Variants in ZNF100 observed in about 807,000 individuals in gnomAD.
ZNF100 encodes zinc finger protein 100.
Under a neutral mutation model 15.8 loss-of-function variants are expected in ZNF100, and 12 were observed. The ratio of observed to expected loss-of-function variants is 0.76; its 90% CI spans 0.49 to 1.23. The LOEUF is 1.23. ZNF100 is among the 50% of genes most tolerant of loss of function. The pLI is 0.00. For missense variants in ZNF100, 670 were observed against 635.6 expected (o/e 1.05, Z -0.58); for synonymous variants, 226 against 214.8 (o/e 1.05, Z -0.45).
At chr19:21,739,825 TAAATA>T (rs934668486) in intron 4 of ZNF100, among the ~76,000 whole-genome samples, 8 of 151,848 alleles carry the variant, frequency 5.3e-5, no homozygotes, top group Admixed American at 6.6e-5. Context: ...CTGTCTCTAA[TAAATA>T]AAATAAAATA....
rs1052854047 is a variant in ZNF100, at chr19:21,731,302, C to CTTTTTTTTTTTT, written c.323-3314_323-3313insAAAAAAAAAAAA. On this transcript the variant is annotated intron_variant, in intron 4 of 4. Transcript: ENST00000358296. The stretch of plus-strand genomic sequence containing the variant: ...TGCAAGTTTCTTTCCTTTTTCTTTC[C>CTTTTTTTTTTTT]TTTTTTTTTTATTTTTTATTTTTTG... Among the ~76,000 whole-genome samples the CTTTTTTTTTTTT allele has an allele frequency of 1.1e-4, 16 of 139,664 alleles. 1 individual carries two copies. The highest frequency in any genetic ancestry group is 2.4e-4 in the South Asian group (1 of 4,088). 91.6% of individuals were successfully genotyped at this position (139,664 alleles called of 152,430 possible).
At chr19:21,734,002 A>G (rs1012922338) in intron 4 of ZNF100, among the ~76,000 whole-genome samples, 18 of 152,240 alleles carry the variant, frequency 1.2e-4, no homozygotes, top group Admixed American at 9.8e-4. Context: ...TAAAGGAAAA[A>G]CAGAAAGCAA....
intron 4 of ZNF100, among the ~76,000 whole-genome samples, chr19:21,738,815 G>A (rs780474906): frequency 7.2e-5 from 11 of 152,030 alleles, no homozygotes; most frequent in African/African-American, 1.9e-4. Context: ...GCATGGTGGC[G>A]GGTGCCTATA....
chr19:21,751,259 G>GA, intron 2 of ZNF100: 1 of 1,150,116 alleles, frequency 8.7e-7, no homozygotes, highest in Non-Finnish European at 1.3e-6. Flanking sequence ...CCTAACCTTA[G>GA]AACCACAGTA....
intron 4 of ZNF100, among the ~76,000 whole-genome samples, chr19:21,731,795 A>T (rs148048955): frequency 6.2e-4 from 95 of 152,350 alleles, no homozygotes; most frequent in African/African-American, 2.2e-3. Flanking sequence ...TGAAGCAGTC[A>T]CATTCTTAGA....
At chr19:21,755,704 T>G (rs2036382658) in intron 2 of ZNF100, among the ~76,000 whole-genome samples, 1 of 152,044 alleles carries the variant, frequency 6.6e-6, no homozygotes, top group African/African-American at 2.4e-5. Context: ...AATGACAGAC[T>G]GGATAAAGAA....
intron 2 of ZNF100, chr19:21,751,014 G>C: frequency 7.9e-7 from 1 of 1,261,676 alleles, no homozygotes; most frequent in Non-Finnish European, 1.1e-6. Context: ...ATTTCGCAGC[G>C]GGCGAGGGCC....
intron 2 of ZNF100, chr19:21,751,195 A>T: frequency 7.6e-7 from 1 of 1,310,542 alleles, no homozygotes. Context: ...GCAGCTTACT[A>T]AAAAGTATAG....
chr19:21,747,057 T>C (rs548920866), intron 2 of ZNF100, among the ~76,000 whole-genome samples: 49 of 152,108 alleles, frequency 3.2e-4, no homozygotes, highest in Non-Finnish European at 6.2e-4. Flanking sequence ...GCTCCATGGA[T>C]GTAAAAATGT....
chr19:21,727,920 A>G lies in ZNF100; in HGVS notation c.392T>C (p.Ile131Thr), dbSNP rs1159780426. The change falls in exon 5 of 5, where the codon ATT becomes ACT. Residue 131 changes from isoleucine (I) to threonine (T), a missense_variant. By Grantham distance (89) the Ile-to-Thr change is moderately conservative. Transcript: ENST00000358296. ...TCCATATTTTCCATATTTTTTCAGA[A>G]TCGCTTCTTGAAAAGAATCTTTAAT... is the stretch of plus-strand genomic sequence containing the variant. ...QDIKDSFQEA[I>T]LKKYGKYGHD... is the part of the protein sequence containing the mutation. 6 of 1,593,882 alleles carry G rather than the reference A, an allele frequency of 3.8e-6. No individual in the cohort carries two copies.
intron 4 of ZNF100, among the ~76,000 whole-genome samples, chr19:21,740,795 A>G (rs2036094184): frequency 6.6e-6 from 1 of 152,266 alleles, no homozygotes; most frequent in African/African-American, 2.4e-5. Context: ...GATGCAATGA[A>G]AATGAAACCT....
At chr19:21,730,541 A>G (rs1375832976) in intron 4 of ZNF100, among the ~76,000 whole-genome samples, 2 of 152,124 alleles carry the variant, frequency 1.3e-5, no homozygotes, top group Non-Finnish European at 2.9e-5. Flanking sequence ...AAACATCTAG[A>G]CAGCAATACT....
At chr19:21,734,299 A>G (rs534393666) in intron 4 of ZNF100, among the ~76,000 whole-genome samples, 10 of 152,326 alleles carry the variant, frequency 6.6e-5, no homozygotes, top group Middle Eastern at 3.4e-3. Context: ...ACCCAATGCA[A>G]AAAAGCCAGG....
chr19:21,727,957 C>G lies in ZNF100; in HGVS notation c.355G>C (p.Ala119Pro). 6.5e-7 allele frequency: 1 copy of G among 1,540,520 alleles called. No homozygotes were observed. Among genetic ancestry groups the G allele is most frequent in the South Asian group, 1.3e-5 (1 of 76,838 alleles). Reference protein sequence around the residue: ...ICSHFPQDLWAEQDIKDSFQE... With the variant: ...ICSHFPQDLWPEQDIKDSFQE... ...AAAGAATCTTTAATGTCCTGCTCTG[C>G]CCAAAGGTCTTGGGGAAAATGAGAA... Residue 119 changes from alanine (A) to proline (P), a missense_variant, in exon 5 of 5, where the codon GCA (alanine) becomes CCA (proline). Physicochemically the swap from Ala to Pro is conservative, Grantham distance 27. Coordinates refer to ENST00000358296, the MANE Select transcript of ZNF100 (RefSeq NM_173531.4).
At chr19:21,739,435 A>G (rs2036069382) in intron 4 of ZNF100, among the ~76,000 whole-genome samples, 1 of 152,144 alleles carries the variant, frequency 6.6e-6, no homozygotes, top group African/African-American at 2.4e-5. Flanking sequence ...GCATGTCCAT[A>G]GTCTCAGCTA....
At chr19:21,744,224 A>C in intron 3 of ZNF100, 109 bp from the exon 4 acceptor site, 1 of 1,008,148 alleles carries the variant, frequency 9.9e-7, no homozygotes, top group Non-Finnish European at 1.3e-6. Context: ...ATTAATCCTA[A>C]CGTACTAATT....
At chr19:21,751,700 C>A in intron 2 of ZNF100, 1 of 1,201,120 alleles carries the variant, frequency 8.3e-7, no homozygotes, top group Non-Finnish European at 1.2e-6. Context: ...TATTAATGTT[C>A]CTGCTAGTGT....
intron 4 of ZNF100, among the ~76,000 whole-genome samples, chr19:21,739,062 C>G (rs957338738): frequency 3.9e-5 from 6 of 152,188 alleles, no homozygotes; most frequent in Admixed American, 3.3e-4. Context: ...AATTCGTCCC[C>G]ATGACCTAAA....
intron 4 of ZNF100, among the ~76,000 whole-genome samples, chr19:21,735,230 G>T (rs1449545721): frequency 2.0e-5 from 3 of 152,084 alleles, no homozygotes; most frequent in African/African-American, 7.2e-5. Flanking sequence ...TGGACTGAAT[G>T]CTCCAATTAA....
Sources: allele counts gnomAD v4.1 joint callset (sites outside exome capture counted in the v4.1 genomes callset), GRCh38; gene constraint gnomAD v4.1.1; transcripts MANE v1.5; gene names NCBI Gene and HGNC (gene_info 2026-07-23, HGNC 2026-07-21).